ZNF718: variants seen among roughly 807,000 people sequenced by gnomAD.
ZNF718 encodes zinc finger protein 718.
Under a neutral mutation model 2.6 loss-of-function variants are expected in ZNF718, and 3 were observed. The ratio of observed to expected loss-of-function variants is 1.16; its 90% CI spans 0.53 to 3.01. ZNF718 has a LOEUF of 3.01. ZNF718 is among the 30% of genes most tolerant of loss of function. The probability of loss-of-function intolerance (pLI) is 0.03; values close to 1 mark genes in which losing one functional copy is unlikely to be tolerated. For synonymous variants in ZNF718, 135 were observed against 77.9 expected, an observed-to-expected ratio of 1.73 and a Z score of -3.86; for missense variants, 468 against 230.0, an observed-to-expected ratio of 2.03 and a Z score of -6.69.
At chr4:143,389 T>C (rs1460462651) in intron 3 of ZNF718, among the ~76,000 whole-genome samples, 2 of 152,152 alleles carry the variant, frequency 1.3e-5, no homozygotes, top group Non-Finnish European at 2.9e-5. Flanking sequence ...GGTTTCACCA[T>C]TTTGTCCAGG....
Position 162,212 on chromosome 4 carries a change from T to C in ZNF718, c.*90T>C. On this transcript the variant is annotated 3_prime_UTR_variant, in exon 4 of 4. Transcript: ENST00000510175. Reference sequence around the variant, plus strand: ...AGAGAAACTCTACACATGAAAAAATTGACAAAGCTTTTAACCGCAACTCAA... The same window carrying C: ...AGAGAAACTCTACACATGAAAAAATCGACAAAGCTTTTAACCGCAACTCAA... The C allele has an allele frequency of 1.7e-6, 1 of 585,814 alleles. No individual in the cohort carries two copies. The highest frequency in any genetic ancestry group is 3.1e-6 in the Non-Finnish European group (1 of 321,600). 36.3% of individuals were successfully genotyped at this position (585,814 alleles called of 1,614,324 possible).
At position 131,515 on chromosome 4, in the gene ZNF718, A is replaced by G; in HGVS notation, c.226+10A>G. On this transcript the variant is annotated intron_variant, in intron 3 of 3. Transcript: ENST00000510175. ...GCAGCCAGACCCCCAGGTAGGTGAG[A>G]GTGAATGGAGGAGAGGACACAGACA... 1 of 428,890 alleles carries G rather than the reference A, an allele frequency of 2.3e-6. No homozygotes were observed. Among genetic ancestry groups the G allele is most frequent in the Non-Finnish European group, 3.8e-6 (1 of 261,870 alleles). The allele number at this position is 428,890 out of a possible 1,614,324, so 26.6% of individuals were successfully genotyped here.
In ZNF718 at chr4:161,531, CT is replaced by C. The variant is rs1442268400; in HGVS notation, c.847del (p.Tyr283ThrfsTer156). 1.3e-6 allele frequency: 1 copy of C among 780,704 alleles called. No homozygotes were observed. The highest frequency in any genetic ancestry group is 1.7e-5 in the African/African-American group (1 of 59,130). 48.4% of individuals were successfully genotyped at this position (780,704 alleles called of 1,614,324 possible). A position where few individuals can be genotyped will look rare whatever the true frequency, so the allele number is the denominator to read the frequency against. ...AGAGAATTCATTCTGCACAAAAATA[CT>C]ACAAATGTGAAGAATGTGGTAAAGC... ...HKRIHSAQKYYKCEECGKAFK... is the reference protein window; with the variant it reads ...HKRIHSAQKYXKCEECGKAFK... On this transcript the variant is annotated frameshift_variant, in exon 4 of 4. Transcript: ENST00000510175. LOFTEE classifies it low-confidence loss of function (END_TRUNC).
intron 3 of ZNF718, among the ~76,000 whole-genome samples, chr4:188,109 C>T (rs1410120199): frequency 6.6e-6 from 1 of 152,238 alleles, no homozygotes; most frequent in Non-Finnish European, 1.5e-5. Flanking sequence ...GGCTGAGTCA[C>T]ACAAACAGCT....
chr4:176,941 T>C (rs1717361233), intron 3 of ZNF718, among the ~76,000 whole-genome samples: 1 of 152,206 alleles, frequency 6.6e-6, no homozygotes, highest in Non-Finnish European at 1.5e-5. Flanking sequence ...TTCTTGTTTA[T>C]GGAGTGCAGA....
chr4:194,653 C>A (rs1717756867), intron 3 of ZNF718, among the ~76,000 whole-genome samples: 1 of 152,208 alleles, frequency 6.6e-6, no homozygotes, highest in South Asian at 2.1e-4. Context: ...ATTCTCCTAA[C>A]CTTTGTAAAA....
chr4:161,369 G>A lies in ZNF718; in HGVS notation c.684G>A (p.Lys228=), dbSNP rs1553815071. 2.6e-6 allele frequency: 2 copies of A among 778,346 alleles called. No homozygotes were observed. The highest frequency in any genetic ancestry group is 3.4e-5 in the African/African-American group (2 of 58,828). 48.2% of individuals were successfully genotyped at this position (778,346 alleles called of 1,614,324 possible). A position where few individuals can be genotyped will look rare whatever the true frequency, so the allele number is the denominator to read the frequency against. ...KRIHAREKFY[K]CEECGKGFTR... Reference sequence around the variant, plus strand: ...TTCATGCCAGAGAGAAATTCTACAAGTGTGAAGAATGTGGTAAAGGCTTTA... The same window carrying A: ...TTCATGCCAGAGAGAAATTCTACAAATGTGAAGAATGTGGTAAAGGCTTTA... Residue 228 remains lysine, a synonymous_variant, in exon 4 of 4, where the codon AAG becomes AAA. Coordinates refer to ENST00000510175, the MANE Select transcript of ZNF718 (RefSeq NM_001039127.6).
At chr4:134,290 G>A (rs899364451) in intron 3 of ZNF718, among the ~76,000 whole-genome samples, 2 of 152,122 alleles carry the variant, frequency 1.3e-5, no homozygotes, top group South Asian at 2.1e-4. Flanking sequence ...GGGACTACAG[G>A]TGCCCGCCAC....
At chr4:182,282 A>G (rs1205043439) in intron 3 of ZNF718, among the ~76,000 whole-genome samples, 4 of 151,848 alleles carry the variant, frequency 2.6e-5, no homozygotes, top group Admixed American at 6.6e-5. Context: ...ACTCTCACCA[A>G]TGGTGTAAGA....
chr4:161,575 C>A lies in ZNF718; in HGVS notation c.890C>A (p.Ser297Tyr), dbSNP rs7677201. Residue 297 changes from serine (S) to tyrosine (Y), a missense_variant, in exon 4 of 4, where the codon TCC (serine) becomes TAC (tyrosine). Physicochemically the swap from Ser to Tyr is moderately radical, Grantham distance 144. Coordinates refer to ENST00000510175, the MANE Select transcript of ZNF718 (RefSeq NM_001039127.6). Reference sequence around the variant, plus strand: ...GGTAAAGCCTTTAAGTGGTCCTCATCCCTTAATGAACATAAGAGAATTCAT... The same window carrying A: ...GGTAAAGCCTTTAAGTGGTCCTCATACCTTAATGAACATAAGAGAATTCAT... ...ECGKAFKWSSSLNEHKRIHAG... is the reference protein window; with the variant it reads ...ECGKAFKWSSYLNEHKRIHAG... 3.7e-3 allele frequency: 2,897 copies of A among 780,670 alleles called. 63 individuals carry two copies. In the African/African-American group the frequency reaches 0.043, roughly 12 times the overall value. 48.4% of individuals were successfully genotyped at this position (780,670 alleles called of 1,614,324 possible). A position where few individuals can be genotyped will look rare whatever the true frequency, so the allele number is the denominator to read the frequency against.
At chr4:176,741 A>G (rs1397484118) in intron 3 of ZNF718, among the ~76,000 whole-genome samples, 1 of 152,218 alleles carries the variant, frequency 6.6e-6, no homozygotes, top group Non-Finnish European at 1.5e-5. Context: ...TTCCTTTCAG[A>G]AAACCCTTCT....
chr4:189,792 T>C (rs1271923502), intron 3 of ZNF718, among the ~76,000 whole-genome samples: 5 of 152,190 alleles, frequency 3.3e-5, no homozygotes, highest in Admixed American at 6.5e-5. Flanking sequence ...TCTTAGAAGT[T>C]CCATTCTAGT....
At chr4:188,038 C>T (rs1483584291) in intron 3 of ZNF718, among the ~76,000 whole-genome samples, 1 of 152,188 alleles carries the variant, frequency 6.6e-6, no homozygotes, top group Non-Finnish European at 1.5e-5. Flanking sequence ...CTCGACAAAA[C>T]AGCCATTCCA....
In ZNF718 at chr4:128,070, T is replaced by A. The variant is rs1352841761; in HGVS notation, c.4-2718T>A. Among the ~76,000 whole-genome samples the A allele has an allele frequency of 6.7e-4, 70 of 104,046 alleles. 19 individuals are homozygous for A. Among genetic ancestry groups the A allele is most frequent in the African/African-American group, 2.1e-3 (64 of 29,864 alleles). 68.3% of individuals were successfully genotyped at this position (104,046 alleles called of 152,430 possible). ...TTGAAGGAGCCTCCATGAGGTGATCTCTCCTCTGGTTTTACTCTGCTTACT... is the reference window on the plus strand; with the variant it reads ...TTGAAGGAGCCTCCATGAGGTGATCACTCCTCTGGTTTTACTCTGCTTACT... On this transcript the variant is annotated intron_variant, in intron 1 of 3. Transcript: ENST00000510175.
At chr4:165,765 C>G (rs1717071343), downstream of ZNF718, among the ~76,000 whole-genome samples, 1 of 152,182 alleles carries the variant, frequency 6.6e-6, no homozygotes, top group South Asian at 2.1e-4. Flanking sequence ...CGTCACTGCA[C>G]TCCAGCCTGG....
At chr4:169,051 T>G (rs1717162439), downstream of ZNF718, among the ~76,000 whole-genome samples, 1 of 152,238 alleles carries the variant, frequency 6.6e-6, no homozygotes, top group Non-Finnish European at 1.5e-5. Flanking sequence ...TGGTATGTTG[T>G]GTCTTTGTTC....
At chr4:132,044 C>CA (rs1396751571) in intron 3 of ZNF718, among the ~76,000 whole-genome samples, 1,380 of 61,382 alleles carry the variant, frequency 0.022, 307 homozygotes, top group Middle Eastern at 0.041. Flanking sequence ...GACTCCGTCT[C>CA]AAAAAAAAAA....
At chr4:143,694 CT>C (rs1426750156) in intron 3 of ZNF718, among the ~76,000 whole-genome samples, 3 of 152,140 alleles carry the variant, frequency 2.0e-5, no homozygotes, top group Non-Finnish European at 4.4e-5. Flanking sequence ...CCCATTATAT[CT>C]TTTAACCAAA....
rs1478021574 is a variant in ZNF718, at chr4:162,794, A to G, written c.*672A>G. ...TTTGTTCAAAAACTATAGCTTAAAA[A>G]AAACCAGTTTATACTAGAAGATATT... On this transcript the variant is annotated 3_prime_UTR_variant, in exon 4 of 4. Coordinates refer to ENST00000510175, the MANE Select transcript of ZNF718 (RefSeq NM_001039127.6). The G allele has an allele frequency of 6.6e-6, 1 of 152,244 alleles. No individual in the cohort carries two copies. The highest frequency in any genetic ancestry group is 1.5e-5 in the Non-Finnish European group (1 of 68,034). 9.4% of individuals were successfully genotyped at this position (152,244 alleles called of 1,614,324 possible). A position where few individuals can be genotyped will look rare whatever the true frequency, so the allele number is the denominator to read the frequency against.
Sources: gnomAD v4.1 joint callset for allele counts (sites outside exome capture counted in the v4.1 genomes callset) on GRCh38, gnomAD v4.1.1 for gene constraint, MANE v1.5 for transcripts, NCBI Gene and HGNC (gene_info 2026-07-23, HGNC 2026-07-21) for gene names.